THSD1: variants seen among roughly 807,000 people sequenced by gnomAD.
The protein encoded by THSD1 is thrombospondin type 1 domain containing 1, also known as thrombospondin type-1 domain-containing protein 1.
In THSD1, 34 loss-of-function variants were observed where a neutral mutation model predicts 46.3. The ratio of observed to expected loss-of-function variants is 0.74; its 90% CI spans 0.56 to 0.98. The LOEUF (loss-of-function observed/expected upper bound fraction) is 0.98. THSD1 is among the 50% of genes least tolerant of loss of function. The probability of loss-of-function intolerance (pLI) is 0.00; values close to 1 mark genes in which losing one functional copy is unlikely to be tolerated. For synonymous variants in THSD1, 407 were observed against 416.5 expected (o/e 0.98, Z 0.28); for missense variants, 1,023 against 1,058.3 (o/e 0.97, Z 0.46).
Position 52,377,836 on chromosome 13 carries a change from A to G in THSD1, c.2134T>C (p.Phe712Leu). Residue 712 changes from phenylalanine (F) to leucine (L), a missense_variant, in exon 5 of 5, where the codon TTC (phenylalanine) becomes CTC (leucine). Phe to Leu is a conservative substitution (Grantham distance 22). Around this residue, in one of 3 missense-constraint regions of THSD1, gnomAD observed 578 missense variants for 497.4 expected, o/e 1.16. Coordinates refer to ENST00000258613, the MANE Select transcript of THSD1 (RefSeq NM_018676.4). ...AHLFPEKLEH[F>L]QEASGTRGPL... Reference sequence around the variant, plus strand: ...CCACGGGTTCCACTTGCCTCTTGGAAATGCTCCAGTTTTTCAGGAAACAGG... The same window carrying G: ...CCACGGGTTCCACTTGCCTCTTGGAGATGCTCCAGTTTTTCAGGAAACAGG... The G allele has an allele frequency of 1.2e-6, 2 of 1,614,104 alleles. No homozygotes were observed. The highest frequency in any genetic ancestry group is 1.1e-5 in the South Asian group (1 of 91,076).
chr13:52,404,562 G>C (rs1957892163), intron 1 of THSD1, among the ~76,000 whole-genome samples: 1 of 152,134 alleles, frequency 6.6e-6, no homozygotes, highest in Non-Finnish European at 1.5e-5. Flanking sequence ...GGTGGAATTA[G>C]CCACAGACTT....
Position 52,397,240 on chromosome 13 carries a change from C to T in THSD1, c.1013G>A (p.Arg338Lys). 1 of 1,570,058 alleles carries T rather than the reference C, an allele frequency of 6.4e-7. No individual in the cohort carries two copies. The highest frequency in any genetic ancestry group is 8.6e-7 in the Non-Finnish European group (1 of 1,160,482). ...AAAATCTCAATACAAACCTGTATTT[C>T]TCTGAATTAGCATGCACTCCTCCTT... ...SAKEECMLIQ[R>K]NTETWGLWQP... The change falls in exon 3 of 5, where the codon AGA becomes AAA. Residue 338 changes from arginine (R) to lysine (K), a missense_variant. Coordinates refer to ENST00000258613, the MANE Select transcript of THSD1 (RefSeq NM_018676.4).
chr13:52,404,000 T>C (rs1030301860), intron 1 of THSD1, among the ~76,000 whole-genome samples: 6 of 134,458 alleles, frequency 4.5e-5, no homozygotes, highest in Non-Finnish European at 9.1e-5. Flanking sequence ...TAGCCTGGAG[T>C]GCAGTGGCAT....
At position 52,378,802 on chromosome 13, in the gene THSD1, A is replaced by T. The variant is rs555230573; in HGVS notation, c.1181-13T>A. On this transcript the variant is annotated splice_polypyrimidine_tract_variant and intron_variant, in intron 4 of 4. Coordinates refer to ENST00000258613, the MANE Select transcript of THSD1 (RefSeq NM_018676.4). ...GATGGCTGGAAAGCTGCAAAAAAAA[A>T]CAAAACAAAACAAACAAACAAAAAA... 3 of 1,503,468 alleles carry T rather than the reference A, an allele frequency of 2.0e-6. No individual in the cohort carries two copies. Among genetic ancestry groups the T allele is most frequent in the Non-Finnish European group, 1.8e-6 (2 of 1,124,788 alleles). 93.1% of individuals were successfully genotyped at this position (1,503,468 alleles called of 1,614,324 possible).
intron 3 of THSD1, among the ~76,000 whole-genome samples, chr13:52,393,357 C>T (rs1001138752): frequency 6.6e-6 from 1 of 152,128 alleles, no homozygotes; most frequent in Non-Finnish European, 1.5e-5. Flanking sequence ...TCATTTTTGG[C>T]AAATCCATTA....
chr13:52,378,349 T>C lies in THSD1; in HGVS notation c.1621A>G (p.Lys541Glu), dbSNP rs779757184. The change falls in exon 5 of 5, where the codon AAA becomes GAA. Residue 541 changes from lysine (K) to glutamate (E), a missense_variant. Lys to Glu is a moderately conservative substitution (Grantham distance 56). Coordinates refer to ENST00000258613, the MANE Select transcript of THSD1 (RefSeq NM_018676.4). ...GTAGTTTCCGTCAGACCTTTCTTTT[T>C]CATCTCCTTTAACTGCTGCTGGGCA... is the stretch of plus-strand genomic sequence containing the variant. ...RLAQQQLKEM[K>E]KKGLTETTKV... 5 of 1,614,152 alleles carry C rather than the reference T, an allele frequency of 3.1e-6. No individual in the cohort carries two copies. The highest frequency in any genetic ancestry group is 3.4e-6 in the Non-Finnish European group (4 of 1,180,028).
At chr13:52,383,225 A>C (rs546146148) in intron 4 of THSD1, among the ~76,000 whole-genome samples, 2 of 152,314 alleles carry the variant, frequency 1.3e-5, no homozygotes, top group African/African-American at 4.8e-5. Context: ...AGCAACTTGC[A>C]TAGTGCTCAT....
chr13:52,401,885 TGAA>T (rs1161825567), intron 2 of THSD1, among the ~76,000 whole-genome samples: 1 of 152,208 alleles, frequency 6.6e-6, no homozygotes, highest in Non-Finnish European at 1.5e-5. Flanking sequence ...TCAAAAGTAG[TGAA>T]GATTATATCA....
At chr13:52,381,911 C>A (rs1957696055) in intron 4 of THSD1, among the ~76,000 whole-genome samples, 1 of 152,198 alleles carries the variant, frequency 6.6e-6, no homozygotes, top group Admixed American at 6.5e-5. Flanking sequence ...AACCTATCCC[C>A]AAGATTCCAA....
rs747677300 is a variant in THSD1, at chr13:52,386,118, G to T, written c.1090C>A (p.Arg364Ser). The T allele has an allele frequency of 6.2e-7, 1 of 1,614,154 alleles. No individual in the cohort carries two copies. The highest frequency in any genetic ancestry group is 2.2e-5 in the East Asian group (1 of 44,864). ...GGGAAGGAAGTGAGACACACTCGGC[G>T]ACGCTCTCTGACACCATCCCCACAT... ...ATCGDGVRER[R>S]RVCLTSFPSS... Residue 364 changes from arginine to serine, a missense_variant, in exon 4 of 5, where the codon CGC (arginine) becomes AGC (serine). Coordinates refer to ENST00000258613, the MANE Select transcript of THSD1 (RefSeq NM_018676.4).
chr13:52,402,975 G>A (rs977607899), intron 1 of THSD1: 1 of 983,832 alleles, frequency 1.0e-6, no homozygotes, highest in African/African-American at 1.7e-5. Flanking sequence ...AGAGTTTATT[G>A]TTATTTGCTT....
intron 4 of THSD1, among the ~76,000 whole-genome samples, chr13:52,380,614 A>T (rs1957684446): frequency 1.3e-5 from 2 of 150,374 alleles, no homozygotes; most frequent in Non-Finnish European, 3.0e-5. Context: ...GCCTCACTAA[A>T]TTTTTTTGTA....
rs149199630 is a variant in THSD1, at chr13:52,377,723, G to T, written c.2247C>A (p.Ala749=). 28 of 1,613,016 alleles carry T rather than the reference G, an allele frequency of 1.7e-5. 2 individuals are homozygous for T. The South Asian group carries it at 1.9e-4, about 11-fold the overall frequency. ...DLGDHQAGLV[A]GIERTEPHRA... ...TGTGGGGCTCTGTTCTCTCAATTCC[G>T]GCCACTAATCCTGCCTGGTGATCCC... The change falls in exon 5 of 5, where the codon GCC becomes GCA. Residue 749 remains alanine, a synonymous_variant. Transcript: ENST00000258613.
intron 4 of THSD1, among the ~76,000 whole-genome samples, chr13:52,383,535 G>C (rs1957707744): frequency 6.6e-6 from 1 of 152,214 alleles, no homozygotes; most frequent in Non-Finnish European, 1.5e-5. Flanking sequence ...GTGGGTAGCA[G>C]CATTGCTATT....
chr13:52,405,632 G>A (rs1331285626), intron 1 of THSD1, among the ~76,000 whole-genome samples: 1 of 152,120 alleles, frequency 6.6e-6, no homozygotes, highest in Non-Finnish European at 1.5e-5. Flanking sequence ...CCCTCGCGTC[G>A]TCAGCTTAAA....
chr13:52,397,570 A>G lies in THSD1; in HGVS notation c.683T>C (p.Ile228Thr), dbSNP rs770952196. The G allele has an allele frequency of 1.9e-6, 3 of 1,614,154 alleles. No individual in the cohort carries two copies. Among genetic ancestry groups the G allele is most frequent in the Non-Finnish European group, 2.5e-6 (3 of 1,180,044 alleles). ...VLKLLGRDSV[I>T]TSTGPIDLAQ... Reference sequence around the variant, plus strand: ...CAGGTCAATGGGTCCTGTGGAGGTAATGACTGAGTCTCGCCCAAGCAGCTT... The same window carrying G: ...CAGGTCAATGGGTCCTGTGGAGGTAGTGACTGAGTCTCGCCCAAGCAGCTT... Residue 228 changes from isoleucine (I) to threonine (T), a missense_variant, in exon 3 of 5, where the codon ATT (isoleucine) becomes ACT (threonine). Physicochemically the swap from Ile to Thr is moderately conservative, Grantham distance 89. Transcript: ENST00000258613.
intron 3 of THSD1, among the ~76,000 whole-genome samples, chr13:52,393,063 C>T (rs1957784922): frequency 6.6e-6 from 1 of 151,914 alleles, no homozygotes; most frequent in Non-Finnish European, 1.5e-5. Flanking sequence ...GCATAGAAGG[C>T]AGTTACAGAA....
intron 2 of THSD1, among the ~76,000 whole-genome samples, chr13:52,400,363 C>T (rs1343587929): frequency 5.3e-5 from 8 of 152,022 alleles, no homozygotes; most frequent in African/African-American, 1.5e-4. Context: ...TTTGGGAGGC[C>T]GAGATGGGTG....
Position 52,377,860 on chromosome 13 carries a change from G to A in THSD1, c.2110C>T (p.Leu704=), listed in dbSNP as rs771309364. 9.3e-6 allele frequency: 15 copies of A among 1,614,102 alleles called. 1 individual carries two copies. In the South Asian group the frequency reaches 1.6e-4, roughly 18 times the overall value. ...AAATGCTCCAGTTTTTCAGGAAACA[G>A]GTGGGCACCTCGACTCTGAGGCCTA... ...RFRPQSRGAH[L]FPEKLEHFQE... The change falls in exon 5 of 5, where the codon CTG becomes TTG. Residue 704 remains leucine, a synonymous_variant. Coordinates refer to ENST00000258613, the MANE Select transcript of THSD1 (RefSeq NM_018676.4).
Sources: allele counts gnomAD v4.1 joint callset (sites outside exome capture counted in the v4.1 genomes callset), GRCh38; gene constraint gnomAD v4.1.1; regional missense constraint gnomAD v4.1.1; transcripts MANE v1.5; gene names NCBI Gene and HGNC (gene_info 2026-07-23, HGNC 2026-07-21).